Variants in EXD1 observed in about 807,000 individuals in gnomAD.
EXD1 encodes piRNA biogenesis protein EXD1.
In EXD1, 63 loss-of-function variants were observed where a neutral mutation model predicts 49.1. The ratio of observed to expected loss-of-function variants is 1.28; its 90% confidence interval spans 1.05 to 1.58. EXD1 has a LOEUF of 1.58. Ranked by LOEUF, EXD1 falls within the 40% of genes most tolerant of loss-of-function variation. The probability of loss-of-function intolerance (pLI) is 0.00; values close to 1 mark genes in which losing one functional copy is unlikely to be tolerated. For missense variants in EXD1, 748 were observed against 666.0 expected (o/e 1.12, Z -1.36); for synonymous variants, 234 against 239.2 (o/e 0.98, Z 0.20).
chr15:41,203,939 A>C (rs1206529945), intron 7 of EXD1, among the ~76,000 whole-genome samples: 1 of 146,482 alleles, frequency 6.8e-6, no homozygotes. Context: ...AAAAAAAAAA[A>C]AAAAACCCTA....
intron 6 of EXD1, among the ~76,000 whole-genome samples, chr15:41,214,727 C>T (rs1441100558): frequency 1.3e-5 from 2 of 152,054 alleles, no homozygotes; most frequent in East Asian, 1.9e-4. Context: ...TTTGCACTTG[C>T]TAATTCCACT....
rs755916057 is a variant in EXD1 at position 41,216,745 on chromosome 15, T to C, written c.311A>G (p.Asn104Ser). Residue 104 changes from asparagine (N) to serine (S), a missense_variant, in exon 5 of 12, where the codon AAT becomes AGT. Physicochemically the swap from Asn to Ser is conservative, Grantham distance 46. Coordinates refer to ENST00000458580, the MANE Select transcript of EXD1 (RefSeq NM_001286441.2). ...WMEKMKVEDL[N>S]VCEPASPAPE... The stretch of plus-strand genomic sequence containing the variant: ...GGCAGGAGAAGCAGGCTCACATACA[T>C]TTAGGTCTTCAACTTTCATTTTCTC... 3 of 1,613,760 alleles carry C rather than the reference T, an allele frequency of 1.9e-6. No homozygotes were observed. The highest frequency in any genetic ancestry group is 2.2e-5 in the East Asian group (1 of 44,898).
At chr15:41,229,300 A>G (rs1301738887) in intron 1 of EXD1, among the ~76,000 whole-genome samples, 3 of 152,166 alleles carry the variant, frequency 2.0e-5, no homozygotes, top group Non-Finnish European at 4.4e-5. Context: ...CAATATGGTG[A>G]AACCCTGTCT....
intron 6 of EXD1, among the ~76,000 whole-genome samples, chr15:41,214,992 G>A (rs79417079): frequency 0.16 from 24,519 of 151,924 alleles, 3,648 homozygotes; most frequent in African/African-American, 0.39. Flanking sequence ...TGATCCACCC[G>A]CCTCAGCCTC....
chr15:41,220,318 T>C (rs1036708484), intron 2 of EXD1, among the ~76,000 whole-genome samples: 2 of 152,026 alleles, frequency 1.3e-5, no homozygotes, highest in Non-Finnish European at 2.9e-5. Context: ...TCACGTAGGC[T>C]GCAGTGCAGT....
At chr15:41,215,957 A>C in intron 5 of EXD1, 124 bp from the exon 6 acceptor site, 1 of 848,462 alleles carries the variant, frequency 1.2e-6, no homozygotes, top group Non-Finnish European at 2.0e-6. Context: ...AAAATTGCAA[A>C]ACCACCCTCC....
Position 41,230,706 on chromosome 15 carries a change from G to A in EXD1, c.-281C>T, listed in dbSNP as rs2047229504. On this transcript the variant is annotated 5_prime_UTR_variant, in exon 1 of 12. Transcript: ENST00000458580. ...CCTGGAGAAAGGTCCGCGACGCCGG[G>A]GACACACGCCGCAGAGGCGACGCCC... is the stretch of plus-strand genomic sequence containing the variant. 2.8e-5 allele frequency: 20 copies of A among 722,798 alleles called. 1 individual carries two copies. The highest frequency in any genetic ancestry group is 2.3e-4 in the South Asian group (12 of 52,014). 44.8% of individuals were successfully genotyped at this position (722,798 alleles called of 1,614,324 possible).
intron 6 of EXD1, among the ~76,000 whole-genome samples, chr15:41,213,174 A>G (rs2046948094): frequency 6.6e-6 from 1 of 151,760 alleles, no homozygotes; most frequent in Non-Finnish European, 1.5e-5. Context: ...AAAACTACAT[A>G]TTTTATTATT....
chr15:41,226,675 G>A lies in EXD1; in HGVS notation c.-53-47C>T, dbSNP rs1406397038. ...CTATGAATTTTAAAAGATTTTTTGG[G>A]AGTAAAGTTATTTTCCCTTTCCCCA... On this transcript the variant is annotated intron_variant, in intron 1 of 11. Transcript: ENST00000458580. 4 of 1,407,284 alleles carry A rather than the reference G, an allele frequency of 2.8e-6. No individual in the cohort carries two copies. In the South Asian group the frequency reaches 4.6e-5, roughly 16 times the overall value. 87.2% of individuals were successfully genotyped at this position (1,407,284 alleles called of 1,614,324 possible). A position where few individuals can be genotyped will look rare whatever the true frequency, so the allele number is the denominator to read the frequency against.
At chr15:41,224,455 T>C (rs1473443738) in intron 2 of EXD1, among the ~76,000 whole-genome samples, 1 of 152,198 alleles carries the variant, frequency 6.6e-6, no homozygotes, top group Non-Finnish European at 1.5e-5. Context: ...TATACATGTT[T>C]CAATGATGAA....
In EXD1 at chr15:41,183,526, A is replaced by AT. The variant is rs1362499016; in HGVS notation, c.*404dup. The stretch of plus-strand genomic sequence containing the variant: ...GTACTGGTAAAGTTATCAGGTACCA[A>AT]TTTTTTAAATGAATTGTTAATAGTT... On this transcript the variant is annotated 3_prime_UTR_variant, in exon 12 of 12. Transcript: ENST00000458580. 6.4e-6 allele frequency: 1 copy of AT among 157,032 alleles called. No individual in the cohort carries two copies. The highest frequency in any genetic ancestry group is 1.4e-5 in the Non-Finnish European group (1 of 71,606). 9.7% of individuals were successfully genotyped at this position (157,032 alleles called of 1,614,324 possible).
rs544512068 is a variant in EXD1 at position 41,183,844 on chromosome 15, C to T, written c.*87G>A. 3 of 1,337,588 alleles carry T rather than the reference C, an allele frequency of 2.2e-6. No homozygotes were observed. Among genetic ancestry groups the T allele is most frequent in the Middle Eastern group, 2.3e-4 (1 of 4,286 alleles). The allele number at this position is 1,337,588 out of a possible 1,614,324, so 82.9% of individuals were successfully genotyped here. A position where few individuals can be genotyped will look rare whatever the true frequency, so the allele number is the denominator to read the frequency against. On this transcript the variant is annotated 3_prime_UTR_variant, in exon 12 of 12. Transcript: ENST00000458580. ...TGTGACTGAAGCATTACTACATTTA[C>T]AACATGAGAAACCTGGGCACTGTGG...
intron 7 of EXD1, among the ~76,000 whole-genome samples, chr15:41,202,164 A>ATTT (rs1443287437): frequency 1.5e-5 from 2 of 132,378 alleles, no homozygotes; most frequent in African/African-American, 6.9e-5. Context: ...ATATATATAT[A>ATTT]TATTTTTTTT....
chr15:41,214,935 C>T (rs530838882), intron 6 of EXD1, among the ~76,000 whole-genome samples: 4 of 152,050 alleles, frequency 2.6e-5, no homozygotes, highest in South Asian at 4.1e-4. Context: ...TTAGTAGAGA[C>T]GGGTTTTCAC....
At chr15:41,196,312 A>ATT (rs572843554) in intron 7 of EXD1, among the ~76,000 whole-genome samples, 9,944 of 107,902 alleles carry the variant, frequency 0.092, 902 homozygotes, top group African/African-American at 0.19. Flanking sequence ...CGCCCAGCTA[A>ATT]TTTTTTTTTT....
chr15:41,195,757 G>C lies in EXD1; in HGVS notation c.720+18C>G. 1 of 1,605,604 alleles carries C rather than the reference G, an allele frequency of 6.2e-7. No homozygotes were observed. Among genetic ancestry groups the C allele is most frequent in the Non-Finnish European group, 8.5e-7 (1 of 1,175,816 alleles). ...AGCTGTATATACTGGTTTGAATCCAGTGCTTCCCTTCATGTACCTGTGTGT... is the reference window on the plus strand; with the variant it reads ...AGCTGTATATACTGGTTTGAATCCACTGCTTCCCTTCATGTACCTGTGTGT... On this transcript the variant is annotated intron_variant, in intron 9 of 11. Transcript: ENST00000458580.
intron 2 of EXD1, among the ~76,000 whole-genome samples, chr15:41,222,620 T>C (rs1337596693): frequency 2.0e-5 from 3 of 150,886 alleles, no homozygotes; most frequent in African/African-American, 7.4e-5. Flanking sequence ...CTATTTATTA[T>C]AGTAAGTTTT....
chr15:41,209,519 GC>G lies in EXD1; in HGVS notation c.515del (p.Gly172AlafsTer33), dbSNP rs2046888286. 6.2e-7 allele frequency: 1 copy of G among 1,614,014 alleles called. No homozygotes were observed. Among genetic ancestry groups the G allele is most frequent in the African/African-American group, 1.3e-5 (1 of 74,932 alleles). ...CTTTCACCTGCAGCCAGCACAGTTT[GC>G]CATGGCGACATACATTCGCTCCTTC... ...AAEGANVCRH[G>X]KLCWLQVATN... On this transcript the variant is annotated frameshift_variant, in exon 7 of 12. Transcript: ENST00000458580. LOFTEE classifies it high-confidence loss of function.
At chr15:41,223,149 G>A (rs1368925165) in intron 2 of EXD1, among the ~76,000 whole-genome samples, 1 of 152,070 alleles carries the variant, frequency 6.6e-6, no homozygotes, top group African/African-American at 2.4e-5. Flanking sequence ...GGCTGGATGT[G>A]GTGGCTCACA....
Sources: gnomAD v4.1 joint callset for allele counts (sites outside exome capture counted in the v4.1 genomes callset) on GRCh38, gnomAD v4.1.1 for gene constraint, MANE v1.5 for transcripts, NCBI Gene and HGNC (gene_info 2026-07-23, HGNC 2026-07-21) for gene names.